Variants in CCDC125 observed in about 807,000 individuals in gnomAD.
CCDC125 encodes coiled-coil domain containing 125.
Under a neutral mutation model 57.4 loss-of-function variants are expected in CCDC125, and 43 were observed. That is an observed-to-expected ratio of 0.75 (90% CI 0.59 to 0.97). The LOEUF (loss-of-function observed/expected upper bound fraction) is 0.97. CCDC125 is among the 50% of genes least tolerant of loss of function. The pLI is 0.00. For synonymous variants in CCDC125, 187 were observed against 195.2 expected (o/e 0.96, Z 0.35); for missense variants, 563 against 595.7 (o/e 0.95, Z 0.57).
Position 69,284,112 on chromosome 5 carries a change from A to ATT in CCDC125, c.1231-1080_1231-1079dup, listed in dbSNP as rs140637958. ...CCCCGACGATTATTTTTTAAAAATA[A>ATT]TTTTTTAAAAAAAAAAACAGAAGAC... On this transcript the variant is annotated intron_variant, in intron 11 of 11. Coordinates refer to ENST00000396496, the MANE Select transcript of CCDC125 (RefSeq NM_176816.5). 1.2e-3 allele frequency among the ~76,000 whole-genome samples: 180 copies of ATT among 150,886 alleles called. 1 individual carries two copies. The highest frequency in any genetic ancestry group is 4.2e-3 in the African/African-American group (174 of 41,054).
chr5:69,322,687 T>C (rs1009871834), intron 1 of CCDC125, among the ~76,000 whole-genome samples: 1 of 151,840 alleles, frequency 6.6e-6, no homozygotes, highest in Non-Finnish European at 1.5e-5. Flanking sequence ...TTCAGCCTCC[T>C]GAGTAGCTGG....
At chr5:69,280,138 C>G (rs1255818906), downstream of CCDC125, 1 of 152,152 alleles carries the variant, frequency 6.6e-6, no homozygotes, top group African/African-American at 2.4e-5. Flanking sequence ...GGGGACACAG[C>G]CAAACCGTAT....
rs1758576053 is a variant in CCDC125 at position 69,313,924 on chromosome 5, A to G, written c.366+61T>C. ...ATGGAGAGCTGCAGAAGACGAGAGCACTGCAGCCGCTGCTGGGACCCAGCT... is the reference window on the plus strand; with the variant it reads ...ATGGAGAGCTGCAGAAGACGAGAGCGCTGCAGCCGCTGCTGGGACCCAGCT... On this transcript the variant is annotated intron_variant, in intron 3 of 11. Coordinates refer to ENST00000396496, the MANE Select transcript of CCDC125 (RefSeq NM_176816.5). 1.5e-5 allele frequency: 18 copies of G among 1,184,928 alleles called. No individual in the cohort carries two copies. In the Middle Eastern group the frequency reaches 5.7e-4, roughly 37 times the overall value. The allele number at this position is 1,184,928 out of a possible 1,614,324, so 73.4% of individuals were successfully genotyped here.
rs1752471884 is a variant in CCDC125 at position 69,281,455 on chromosome 5, T to C, written c.*1274A>G. Reference sequence around the variant, plus strand: ...CCCATTTCCTGGATCATCACAACCATCTCACAGGATGCAATGAAAAGAGCT... The same window carrying C: ...CCCATTTCCTGGATCATCACAACCACCTCACAGGATGCAATGAAAAGAGCT... On this transcript the variant is annotated 3_prime_UTR_variant, in exon 12 of 12. Transcript: ENST00000396496. 1 of 152,060 alleles carries C rather than the reference T, an allele frequency of 6.6e-6. No homozygotes were observed. Among genetic ancestry groups the C allele is most frequent in the African/African-American group, 2.4e-5 (1 of 41,410 alleles). The allele number at this position is 152,060 out of a possible 1,614,324, so 9.4% of individuals were successfully genotyped here.
downstream of CCDC125, chr5:69,276,642 A>C (rs1161752593): frequency 1.2e-6 from 2 of 1,614,202 alleles, no homozygotes; most frequent in African/African-American, 1.3e-5. Context: ...GGAGCAATCA[A>C]ATCCAGCTTT....
At chr5:69,324,004 T>C (rs913088319) in intron 1 of CCDC125, among the ~76,000 whole-genome samples, 1 of 152,168 alleles carries the variant, frequency 6.6e-6, no homozygotes, top group African/African-American at 2.4e-5. Flanking sequence ...CTAACATTTT[T>C]CTCTAAATAT....
chr5:69,280,002 C>T (rs1244980286), downstream of CCDC125, among the ~76,000 whole-genome samples: 2 of 152,094 alleles, frequency 1.3e-5, no homozygotes, highest in South Asian at 2.1e-4. Flanking sequence ...CATTGGATCT[C>T]GTGAGAACTC....
the CCDC125 span, among the ~76,000 whole-genome samples, chr5:69,274,811 T>A: frequency 1.3e-5 from 2 of 152,118 alleles, no homozygotes; most frequent in Non-Finnish European, 2.9e-5. Flanking sequence ...AGACAGGGTT[T>A]CACCATGTTA....
intron 8 of CCDC125, among the ~76,000 whole-genome samples, chr5:69,299,234 C>G (rs1346878035): frequency 6.6e-6 from 1 of 152,202 alleles, no homozygotes. Context: ...CTCAGCCTCC[C>G]AAGTAGCTGG....
rs1391069749 is a variant in CCDC125 at position 69,280,639 on chromosome 5, C to G, written c.*2090G>C. The G allele has an allele frequency of 6.6e-6, 1 of 152,200 alleles. No homozygotes were observed. The highest frequency in any genetic ancestry group is 2.4e-5 in the African/African-American group (1 of 41,462). 9.4% of individuals were successfully genotyped at this position (152,200 alleles called of 1,614,324 possible). A position where few individuals can be genotyped will look rare whatever the true frequency, so the allele number is the denominator to read the frequency against. On this transcript the variant is annotated 3_prime_UTR_variant, in exon 12 of 12. Coordinates refer to ENST00000396496, the MANE Select transcript of CCDC125 (RefSeq NM_176816.5). Reference sequence around the variant, plus strand: ...AATTATGCTGCATCTCCTTTGCTGTCTCATTTAAATTCTTTTAAACCAAGA... The same window carrying G: ...AATTATGCTGCATCTCCTTTGCTGTGTCATTTAAATTCTTTTAAACCAAGA...
intron 3 of CCDC125, chr5:69,313,664 G>A (rs1331638747): frequency 1.9e-5 from 14 of 750,664 alleles, no homozygotes; most frequent in Non-Finnish European, 3.0e-5. Flanking sequence ...TGACAAAGGT[G>A]GCATAGGGGT....
chr5:69,277,176 C>A, downstream of CCDC125: 1 of 1,454,684 alleles, frequency 6.9e-7, no homozygotes. Context: ...GGGAAATAGC[C>A]AAAAAGGCAA....
At chr5:69,326,694 G>A (rs367919850) in intron 1 of CCDC125, among the ~76,000 whole-genome samples, 131 of 152,164 alleles carry the variant, frequency 8.6e-4, no homozygotes, top group Non-Finnish European at 9.1e-4. Flanking sequence ...GCTATTCAGA[G>A]TTGAATATAA....
intron 10 of CCDC125, among the ~76,000 whole-genome samples, chr5:69,291,556 T>C (rs1754464356): frequency 6.6e-6 from 1 of 152,136 alleles, no homozygotes; most frequent in Middle Eastern, 3.2e-3. Flanking sequence ...GGTTTTGCCA[T>C]GTTGGCCAGG....
intron 5 of CCDC125, 88 bp from the exon 6 acceptor site, chr5:69,306,990 T>C: frequency 7.7e-7 from 1 of 1,306,846 alleles, no homozygotes. Context: ...AATCATATAA[T>C]CAGTTCTCAG....
intron 3 of CCDC125, chr5:69,313,778 C>G: frequency 1.3e-6 from 1 of 789,678 alleles, no homozygotes; most frequent in South Asian, 1.3e-5. Flanking sequence ...CGCCTTCTTG[C>G]GCTTCTTCAA....
chr5:69,295,096 G>A (rs370047235), intron 8 of CCDC125, among the ~76,000 whole-genome samples, 196 bp from the exon 9 acceptor site: 132 of 152,222 alleles, frequency 8.7e-4, no homozygotes, highest in African/African-American at 3.1e-3. Context: ...AACTACAAAC[G>A]ACAAAAAGAA....
At chr5:69,273,181 GT>G in the CCDC125 span, 1 of 601,062 alleles carries the variant, frequency 1.7e-6, no homozygotes, top group Admixed American at 3.2e-5. Context: ...AACAAACTTT[GT>G]ATCTTTTCCC....
At chr5:69,317,200 G>A (rs891645220) in intron 2 of CCDC125, among the ~76,000 whole-genome samples, 1 of 151,936 alleles carries the variant, frequency 6.6e-6, no homozygotes, top group African/African-American at 2.4e-5. Flanking sequence ...TAGTAGAGAC[G>A]GGGTTTCACC....
Sources: gnomAD v4.1 joint callset for allele counts (sites outside exome capture counted in the v4.1 genomes callset) on GRCh38, gnomAD v4.1.1 for gene constraint, MANE v1.5 for transcripts, NCBI Gene and HGNC (gene_info 2026-07-23, HGNC 2026-07-21) for gene names.